The following DIS3L2 variants were observed in gnomAD, a reference collection of about 807,000 sequenced individuals.
DIS3L2 encodes DIS3 like 3'-5' exoribonuclease 2.
In DIS3L2, 34 loss-of-function variants were observed where a neutral mutation model predicts 97.5. That is an observed-to-expected ratio of 0.35 (90% CI 0.27 to 0.46). The LOEUF is 0.46. Ranked by LOEUF, DIS3L2 falls within the 20% of genes least tolerant of loss-of-function variation. The pLI is 1.00. For missense variants in DIS3L2, 1,038 were observed against 1,146.0 expected, an observed-to-expected ratio of 0.91 and a Z score of 1.36; for synonymous variants, 435 against 445.2, an observed-to-expected ratio of 0.98 and a Z score of 0.29.
chr2:232,119,809 C>A (rs1033403104), intron 6 of DIS3L2, among the ~76,000 whole-genome samples: 3 of 152,188 alleles, frequency 2.0e-5, no homozygotes, highest in Non-Finnish European at 4.4e-5. Context: ...AATCTGAAGC[C>A]ACTGCATGGC....
intron 8 of DIS3L2, among the ~76,000 whole-genome samples, chr2:232,155,717 G>A (rs138623075): frequency 0.015 from 2,350 of 152,214 alleles, 63 homozygotes; most frequent in African/African-American, 0.054. Flanking sequence ...CTGGCCAGGC[G>A]TGGTGGCTCA....
chr2:232,336,319 C>T (rs950657872), intron 20 of DIS3L2, 150 bp from the exon 21 acceptor site: 19 of 1,547,452 alleles, frequency 1.2e-5, no homozygotes, highest in East Asian at 2.4e-5. Context: ...GGGCATTCTT[C>T]CTGGAGGGGG....
intron 10 of DIS3L2, among the ~76,000 whole-genome samples, chr2:232,225,782 A>G (rs2106237826): frequency 6.6e-6 from 1 of 152,336 alleles, no homozygotes; most frequent in East Asian, 1.9e-4. Flanking sequence ...AACAACCCAA[A>G]TGTGTCTGCA....
intron 6 of DIS3L2, among the ~76,000 whole-genome samples, chr2:232,105,516 T>A (rs146012573): frequency 6.6e-6 from 1 of 152,322 alleles, no homozygotes; most frequent in Admixed American, 6.5e-5. Context: ...CTCTTCCCAT[T>A]TTTTAAAATC....
chr2:232,230,529 A>G (rs183120934), intron 10 of DIS3L2, among the ~76,000 whole-genome samples: 3 of 152,300 alleles, frequency 2.0e-5, no homozygotes, highest in East Asian at 3.9e-4. Flanking sequence ...TTGTGTTCCC[A>G]TCATAGACTG....
chr2:232,329,785 T>TCCCGGGGGGGGGGGCCCCCC, intron 14 of DIS3L2, 28 bp from the exon 15 acceptor site: 1 of 967,140 alleles, frequency 1.0e-6, no homozygotes, highest in Non-Finnish European at 1.5e-6. Context: ...ACCCCAGCGG[T>TCCCGGGGGGGGGGGCCCCCC]CCCTCCCATC....
At chr2:232,143,376 T>A (rs1307667246) in intron 8 of DIS3L2, among the ~76,000 whole-genome samples, 3 of 152,194 alleles carry the variant, frequency 2.0e-5, no homozygotes, top group Non-Finnish European at 4.4e-5. Context: ...TCTTTGTGAA[T>A]GGCAGCAGTA....
At chr2:232,335,918 C>A in intron 20 of DIS3L2, 44 bp downstream of exon 20, 4 of 1,548,918 alleles carry the variant, frequency 2.6e-6, no homozygotes, top group Non-Finnish European at 3.5e-6. Flanking sequence ...CCTGATGACC[C>A]CTCTCCTGCC....
chr2:232,074,209 T>G (rs925073132), intron 5 of DIS3L2, among the ~76,000 whole-genome samples: 2 of 152,266 alleles, frequency 1.3e-5, no homozygotes. Context: ...CTTACAGTGA[T>G]AAGTTTCAAT....
At chr2:232,114,357 G>A (rs558726208) in intron 6 of DIS3L2, among the ~76,000 whole-genome samples, 2 of 152,206 alleles carry the variant, frequency 1.3e-5, no homozygotes, top group South Asian at 4.2e-4. Flanking sequence ...ATAGGACTTA[G>A]GCAGAGAAGG....
chr2:232,087,763 T>G (rs1319109571), intron 6 of DIS3L2, 42 bp downstream of exon 6: 2 of 1,443,512 alleles, frequency 1.4e-6, no homozygotes, highest in Admixed American at 3.7e-5. Flanking sequence ...TTAAGTACAC[T>G]GATTAAGTAT....
intron 11 of DIS3L2, among the ~76,000 whole-genome samples, chr2:232,247,613 C>CG (rs1559173516): frequency 1.6e-4 from 2 of 12,390 alleles, no homozygotes; most frequent in African/African-American, 6.2e-4. Context: ...CATATAACTG[C>CG]CGCGGGGGGG....
At chr2:232,259,653 G>C (rs1693665925) in intron 12 of DIS3L2, among the ~76,000 whole-genome samples, 2 of 152,010 alleles carry the variant, frequency 1.3e-5, no homozygotes, top group African/African-American at 4.8e-5. Context: ...GAGTCTCACT[G>C]TGTCGCCCAA....
chr2:232,127,990 G>T (rs573303642), intron 6 of DIS3L2, among the ~76,000 whole-genome samples: 2 of 152,014 alleles, frequency 1.3e-5, no homozygotes, highest in East Asian at 1.9e-4. Context: ...TCACTGCGTC[G>T]CCAAGGCTGG....
intron 6 of DIS3L2, among the ~76,000 whole-genome samples, chr2:232,119,914 G>A (rs1697843078): frequency 6.6e-6 from 1 of 152,180 alleles, no homozygotes; most frequent in Admixed American, 6.5e-5. Flanking sequence ...GAAGGGAAAT[G>A]GGGTAGTGAA....
intron 19 of DIS3L2, chr2:232,334,962 C>G (rs565458740): frequency 5.5e-4 from 298 of 543,770 alleles, no homozygotes; most frequent in Non-Finnish European, 5.5e-4. Context: ...AACCAGAGAG[C>G]AGGCCCCTCC....
At chr2:232,099,930 A>G (rs1329511181) in intron 6 of DIS3L2, among the ~76,000 whole-genome samples, 1 of 152,066 alleles carries the variant, frequency 6.6e-6, no homozygotes, top group Non-Finnish European at 1.5e-5. Flanking sequence ...TTCATTCTAT[A>G]TTTTAATTAT....
intron 1 of DIS3L2, among the ~76,000 whole-genome samples, chr2:231,975,704 C>CAAAAAA (rs34710079): frequency 3.6e-5 from 2 of 55,400 alleles, no homozygotes; most frequent in African/African-American, 1.3e-4. Flanking sequence ...GACTCCGCCT[C>CAAAAAA]AAAAAAAAAA....
In DIS3L2 at chr2:231,991,252, C is replaced by T. The variant is rs78321040; in HGVS notation, c.-93-23583C>T. ...ATGTGGGAAATGTTTAATATTTTGA[C>T]GGCAACTATTATTGTCTTTAAATTA... is the stretch of plus-strand genomic sequence containing the variant. On this transcript the variant is annotated intron_variant, in intron 1 of 20. Transcript: ENST00000325385. Among the ~76,000 whole-genome samples, 1,136 of 152,164 alleles carry T rather than the reference C, an allele frequency of 7.5e-3. 21 individuals are homozygous for T. Among genetic ancestry groups the T allele is most frequent in the African/African-American group, 0.025 (1,049 of 41,530 alleles).
Sources: gnomAD v4.1 joint callset for allele counts (sites outside exome capture counted in the v4.1 genomes callset) on GRCh38, gnomAD v4.1.1 for gene constraint, MANE v1.5 for transcripts, NCBI Gene and HGNC (gene_info 2026-07-23, HGNC 2026-07-21) for gene names.